Variants in LIMCH1 observed in about 807,000 individuals in gnomAD.
LIMCH1 encodes LIM and calponin homology domains-containing protein 1.
LIMCH1 carries 113 observed loss-of-function variants against 176.5 expected under a neutral mutation model. The ratio of observed to expected loss-of-function variants is 0.64; its 90% CI spans 0.55 to 0.75. The LOEUF is 0.75. Among genes scored for constraint, LIMCH1 ranks in the 30% least tolerant of loss-of-function variants. The probability of loss-of-function intolerance (pLI) is 0.00; values close to 1 mark genes in which losing one functional copy is unlikely to be tolerated. For synonymous variants in LIMCH1, 619 were observed against 645.9 expected (o/e 0.96, Z 0.63); for missense variants, 1,674 against 1,814.9 (o/e 0.92, Z 1.41).
At chr4:41,450,120 T>C (rs1320226956) in intron 1 of LIMCH1, among the ~76,000 whole-genome samples, 1 of 152,196 alleles carries the variant, frequency 6.6e-6, no homozygotes, top group African/African-American at 2.4e-5. Context: ...TCATATGAGT[T>C]TGCAGAGTGG....
At chr4:41,449,823 G>C (rs997205407) in intron 1 of LIMCH1, among the ~76,000 whole-genome samples, 7 of 152,232 alleles carry the variant, frequency 4.6e-5, no homozygotes, top group African/African-American at 7.2e-5. Context: ...CATCTCAGCA[G>C]TTCTGGAGGC....
At chr4:41,694,986 G>A (rs1288255470) in intron 31 of LIMCH1, among the ~76,000 whole-genome samples, 1 of 151,658 alleles carries the variant, frequency 6.6e-6, no homozygotes, top group African/African-American at 2.4e-5. Flanking sequence ...CATAATTATG[G>A]GTTTGAACAT....
intron 3 of LIMCH1, among the ~76,000 whole-genome samples, chr4:41,532,571 A>T (rs1284491368): frequency 6.6e-6 from 1 of 152,236 alleles, no homozygotes; most frequent in Non-Finnish European, 1.5e-5. Flanking sequence ...CAGTGATAAA[A>T]GTGTGTCAGA....
intron 4 of LIMCH1, chr4:41,612,366 A>G: frequency 1.7e-6 from 1 of 576,526 alleles, no homozygotes; most frequent in South Asian, 2.4e-5. Context: ...TTGGGAATGC[A>G]GAGGGGACTT....
chr4:41,571,360 G>A (rs1267065142), intron 1 of LIMCH1, among the ~76,000 whole-genome samples: 1 of 152,150 alleles, frequency 6.6e-6, no homozygotes, highest in African/African-American at 2.4e-5. Context: ...CGGAGCAGGG[G>A]AAAGGAGACG....
At chr4:41,546,265 A>G (rs1366308697) in intron 1 of LIMCH1, among the ~76,000 whole-genome samples, 1 of 151,892 alleles carries the variant, frequency 6.6e-6, no homozygotes, top group Non-Finnish European at 1.5e-5. Context: ...CACCCTCCCA[A>G]GTAGCTGGGA....
intron 4 of LIMCH1, chr4:41,609,748 C>A (rs559826283): frequency 7.9e-5 from 34 of 431,936 alleles, no homozygotes; most frequent in African/African-American, 6.7e-4. Context: ...GCAGTTAGCA[C>A]AAGGGACTGA....
At chr4:41,591,227 TTTTC>T (rs147440309) in intron 1 of LIMCH1, among the ~76,000 whole-genome samples, 12,787 of 151,478 alleles carry the variant, frequency 0.084, 1,776 homozygotes, top group African/African-American at 0.29. Context: ...TCTTTTTTCT[TTTTC>T]TTTCTTTCTT....
At chr4:41,577,589 C>T (rs1167934487) in intron 1 of LIMCH1, among the ~76,000 whole-genome samples, 2 of 152,008 alleles carry the variant, frequency 1.3e-5, no homozygotes, top group Non-Finnish European at 2.9e-5. Context: ...GCCACCACAC[C>T]CGGCTAGTTT....
chr4:41,667,071 C>T (rs2094852400), intron 21 of LIMCH1, among the ~76,000 whole-genome samples: 1 of 151,580 alleles, frequency 6.6e-6, no homozygotes, highest in Non-Finnish European at 1.5e-5. Context: ...CATGCCACTG[C>T]ACTCGAGCCT....
In LIMCH1 at chr4:41,632,874, A is replaced by T; in HGVS notation, c.1720+7A>T. ...CCGAGGGGGACAGAGGAAGGTGAGG[A>T]GCAGTGTTTCCTGCCTTCCCGGGAG... is the stretch of plus-strand genomic sequence containing the variant. On this transcript the variant is annotated splice_region_variant and intron_variant, in intron 11 of 31. Transcript: ENST00000503057. 6.5e-7 allele frequency: 1 copy of T among 1,535,514 alleles called. No individual in the cohort carries two copies. Among genetic ancestry groups the T allele is most frequent in the Non-Finnish European group, 8.7e-7 (1 of 1,146,288 alleles).
chr4:41,679,515 A>G (rs982196718), intron 23 of LIMCH1, among the ~76,000 whole-genome samples: 1 of 152,238 alleles, frequency 6.6e-6, no homozygotes, highest in Non-Finnish European at 1.5e-5. Context: ...AATAGTCACA[A>G]GCAAAGAGTA....
intron 1 of LIMCH1, among the ~76,000 whole-genome samples, chr4:41,401,001 A>G (rs1453098710): frequency 6.6e-6 from 1 of 152,148 alleles, no homozygotes; most frequent in African/African-American, 2.4e-5. Context: ...CTCTGACGGT[A>G]GTTTCTTTTG....
intron 1 of LIMCH1, among the ~76,000 whole-genome samples, chr4:41,374,978 C>T (rs1458050197): frequency 6.6e-6 from 1 of 152,204 alleles, no homozygotes; most frequent in African/African-American, 2.4e-5. Flanking sequence ...AATCAGACTT[C>T]ACCCTGGTCC....
chr4:41,389,498 C>A (rs2154109408), intron 1 of LIMCH1: 1 of 180,422 alleles, frequency 5.5e-6, no homozygotes, highest in Non-Finnish European at 1.2e-5. Context: ...ATCCTGGGGA[C>A]TGCCCCGTCT....
intron 2 of LIMCH1, among the ~76,000 whole-genome samples, chr4:41,520,012 T>G (rs1333379450): frequency 6.6e-6 from 1 of 152,254 alleles, no homozygotes; most frequent in Non-Finnish European, 1.5e-5. Flanking sequence ...CTATGCTCTC[T>G]GATACCTATG....
intron 14 of LIMCH1, among the ~76,000 whole-genome samples, chr4:41,639,526 A>C (rs1161446551): frequency 1.3e-5 from 2 of 152,150 alleles, no homozygotes; most frequent in African/African-American, 4.8e-5. Flanking sequence ...AGGATGTAAG[A>C]CATGACTGGC....
chr4:41,404,564 G>C (rs1187991912), intron 1 of LIMCH1, among the ~76,000 whole-genome samples: 2 of 152,142 alleles, frequency 1.3e-5, no homozygotes, highest in Middle Eastern at 3.4e-3. Flanking sequence ...GATCACTTGA[G>C]GTCAGAAATT....
chr4:41,434,854 G>A (rs1027553449), intron 1 of LIMCH1, among the ~76,000 whole-genome samples: 3 of 152,200 alleles, frequency 2.0e-5, no homozygotes, highest in African/African-American at 7.2e-5. Context: ...CTGAGTGACT[G>A]AGCATGGTGT....
Sources: gnomAD v4.1 joint callset for allele counts (sites outside exome capture counted in the v4.1 genomes callset) on GRCh38, gnomAD v4.1.1 for gene constraint, MANE v1.5 for transcripts, NCBI Gene and HGNC (gene_info 2026-07-23, HGNC 2026-07-21) for gene names.